The following PAFAH1B1 variants were observed in gnomAD, a reference collection of about 807,000 sequenced individuals.
PAFAH1B1 encodes platelet activating factor acetylhydrolase 1b regulatory subunit 1.
PAFAH1B1 carries 2 observed loss-of-function variants against 57.5 expected under a neutral mutation model. The ratio of observed to expected loss-of-function variants is 0.03; its 90% CI spans 0.01 to 0.11. PAFAH1B1 has a LOEUF of 0.11. Among genes scored for constraint, PAFAH1B1 ranks in the 10% least tolerant of loss-of-function variants. PAFAH1B1 has a pLI of 1.00. For missense variants in PAFAH1B1, 257 were observed against 512.0 expected (o/e 0.50, Z 4.81); for synonymous variants, 152 against 169.6 (o/e 0.90, Z 0.81).
intron 1 of PAFAH1B1, among the ~76,000 whole-genome samples, chr17:2,595,309 G>A (rs1167313138): frequency 1.3e-5 from 2 of 152,058 alleles, no homozygotes; most frequent in African/African-American, 2.4e-5. Flanking sequence ...TTGTTGGGGG[G>A]GTGGGTTATT....
chr17:2,613,424 C>G (rs1195011256), intron 1 of PAFAH1B1: 2 of 243,938 alleles, frequency 8.2e-6, no homozygotes, highest in Non-Finnish European at 1.7e-5. Context: ...CTGCTGCTCT[C>G]CTGTGCTGAG....
chr17:2,632,019 T>A (rs1012075042), intron 1 of PAFAH1B1, among the ~76,000 whole-genome samples: 1 of 152,236 alleles, frequency 6.6e-6, no homozygotes, highest in Non-Finnish European at 1.5e-5. Context: ...GTTTCATGTA[T>A]CTCTCTTATT....
At chr17:2,676,399 T>C (rs1274508223) in intron 8 of PAFAH1B1, 106 bp from the exon 9 acceptor site, 1 of 782,734 alleles carries the variant, frequency 1.3e-6, no homozygotes, top group African/African-American at 1.7e-5. Flanking sequence ...AAAACCAAAA[T>C]GCAACAAAAA....
Position 2,682,718 on chromosome 17 carries a change from CAG to C in PAFAH1B1, c.*918_*919del, listed in dbSNP as rs926589397. 12 of 152,614 alleles carry C rather than the reference CAG, an allele frequency of 7.9e-5. No homozygotes were observed. The highest frequency in any genetic ancestry group is 2.4e-4 in the African/African-American group (10 of 41,406). 9.5% of individuals were successfully genotyped at this position (152,614 alleles called of 1,614,324 possible). A position where few individuals can be genotyped will look rare whatever the true frequency, so the allele number is the denominator to read the frequency against. On this transcript the variant is annotated 3_prime_UTR_variant, in exon 11 of 11. Transcript: ENST00000397195. Reference sequence around the variant, plus strand: ...ATGTGCAATGTGCATTACATAATGACAGAAATACTGAGAAGGTTCTGTGTGCC... The same window carrying C: ...ATGTGCAATGTGCATTACATAATGACAAATACTGAGAAGGTTCTGTGTGCC...
chr17:2,661,548 T>C (rs1316141574), intron 2 of PAFAH1B1, among the ~76,000 whole-genome samples: 3 of 152,204 alleles, frequency 2.0e-5, no homozygotes, highest in African/African-American at 7.2e-5. Context: ...AGTAGCATGC[T>C]GTTTTGGTTA....
chr17:2,644,662 T>C (rs1225670659), intron 2 of PAFAH1B1, among the ~76,000 whole-genome samples: 12 of 152,234 alleles, frequency 7.9e-5, no homozygotes, highest in Non-Finnish European at 1.8e-4. Context: ...CAATATTTTG[T>C]AACTCCAAAT....
chr17:2,629,089 A>T (rs1597533645), intron 1 of PAFAH1B1, among the ~76,000 whole-genome samples: 2 of 151,802 alleles, frequency 1.3e-5, no homozygotes, highest in East Asian at 3.9e-4. Flanking sequence ...GTTTGTTTCA[A>T]TTTCATTTAG....
chr17:2,624,654 C>G (rs747354503), intron 1 of PAFAH1B1, among the ~76,000 whole-genome samples: 1 of 152,166 alleles, frequency 6.6e-6, no homozygotes, highest in Non-Finnish European at 1.5e-5. Flanking sequence ...CCGCTGGGTC[C>G]CTTCCGTAAC....
intron 2 of PAFAH1B1, among the ~76,000 whole-genome samples, chr17:2,645,642 C>T (rs1263664320): frequency 6.7e-6 from 1 of 148,620 alleles, no homozygotes. Context: ...TAGACGGAGT[C>T]TCGCTCTGTC....
chr17:2,632,915 C>T (rs1330182638), intron 1 of PAFAH1B1, among the ~76,000 whole-genome samples: 1 of 152,132 alleles, frequency 6.6e-6, no homozygotes, highest in Non-Finnish European at 1.5e-5. Flanking sequence ...CTCTGTACTT[C>T]TTGCAGATTG....
intron 1 of PAFAH1B1, among the ~76,000 whole-genome samples, chr17:2,605,483 A>G (rs1012374043): frequency 3.3e-5 from 5 of 152,228 alleles, no homozygotes; most frequent in African/African-American, 1.2e-4. Flanking sequence ...TGTTTATTGA[A>G]TCCTAAATGG....
chr17:2,608,360 A>G (rs2068229162), intron 1 of PAFAH1B1, among the ~76,000 whole-genome samples: 1 of 152,228 alleles, frequency 6.6e-6, no homozygotes, highest in Non-Finnish European at 1.5e-5. Context: ...CTGGGATTAC[A>G]GGCGTGAGCC....
chr17:2,595,940 A>T (rs920792516), intron 1 of PAFAH1B1, among the ~76,000 whole-genome samples: 2 of 152,190 alleles, frequency 1.3e-5, no homozygotes, highest in Non-Finnish European at 2.9e-5. Context: ...TGGGTGGAGT[A>T]AGGGAGCAGA....
rs191784226 is a variant in PAFAH1B1, at chr17:2,665,213, T to C, written c.33-159T>C. Among the ~76,000 whole-genome samples, 146 of 152,244 alleles carry C rather than the reference T, an allele frequency of 9.6e-4. 2 individuals are homozygous for C. Among genetic ancestry groups the C allele is most frequent in the African/African-American group, 3.3e-3 (137 of 41,556 alleles). ...GACAGGGGCTAAAAGTTCTGGAGGCTTTGCGGGGGTGTCCTTTTTAATGAA... is the reference window on the plus strand; with the variant it reads ...GACAGGGGCTAAAAGTTCTGGAGGCCTTGCGGGGGTGTCCTTTTTAATGAA... On this transcript the variant is annotated intron_variant, in intron 2 of 10. Coordinates refer to ENST00000397195, the MANE Select transcript of PAFAH1B1 (RefSeq NM_000430.4).
chr17:2,610,556 C>T (rs2068256271), intron 1 of PAFAH1B1, among the ~76,000 whole-genome samples: 1 of 152,116 alleles, frequency 6.6e-6, no homozygotes, highest in South Asian at 2.1e-4. Context: ...TTTGACTTCC[C>T]TGGGCCACAT....
At position 2,593,839 on chromosome 17, in the gene PAFAH1B1, G is replaced by T. The variant is rs1343374860; in HGVS notation, c.-358G>T. ...GAGCCCCGGAACGGCTGAGGAGCCC[G>T]CCCGCTCCCCTCCCCTCCCCCTCCC... On this transcript the variant is annotated 5_prime_UTR_variant, in exon 1 of 11. Transcript: ENST00000397195. 8.8e-6 allele frequency: 3 copies of T among 339,168 alleles called. No individual in the cohort carries two copies. The highest frequency in any genetic ancestry group is 1.1e-5 in the Non-Finnish European group (2 of 189,884). 21.0% of individuals were successfully genotyped at this position (339,168 alleles called of 1,614,324 possible).
intron 1 of PAFAH1B1, among the ~76,000 whole-genome samples, chr17:2,618,608 A>G (rs186295016): frequency 6.1e-4 from 93 of 152,114 alleles, no homozygotes; most frequent in Non-Finnish European, 1.2e-3. Context: ...TGACTGCATT[A>G]TAGTATAGTG....
At chr17:2,614,100 A>G (rs2068307446) in intron 1 of PAFAH1B1, among the ~76,000 whole-genome samples, 1 of 132,460 alleles carries the variant, frequency 7.5e-6, no homozygotes, top group Non-Finnish European at 1.5e-5. Context: ...ATCACAGTTC[A>G]CTGCTGCAGC....
At position 2,685,097 on chromosome 17, in the gene PAFAH1B1, C is replaced by G. The variant is rs1295328852; in HGVS notation, c.*3295C>G. 1.4e-5 allele frequency: 2 copies of G among 141,624 alleles called. No homozygotes were observed. Among genetic ancestry groups the G allele is most frequent in the Non-Finnish European group, 3.0e-5 (2 of 67,276 alleles). 8.8% of individuals were successfully genotyped at this position (141,624 alleles called of 1,614,324 possible). ...GTCCAGTGTGTTCATCTAGATGACG[C>G]AAAGAATCTCCTGGTAGAGAAGCGA... On this transcript the variant is annotated 3_prime_UTR_variant, in exon 11 of 11. Transcript: ENST00000397195.
Sources: gnomAD v4.1 joint callset for allele counts (sites outside exome capture counted in the v4.1 genomes callset) on GRCh38, gnomAD v4.1.1 for gene constraint, MANE v1.5 for transcripts, NCBI Gene and HGNC (gene_info 2026-07-23, HGNC 2026-07-21) for gene names.